Variants in PRELID2 observed in about 807,000 individuals in gnomAD.
PRELID2 encodes PRELI domain-containing protein 2.
PRELID2 carries 25 observed loss-of-function variants against 28.4 expected under a neutral mutation model. The observed-to-expected ratio is 0.88, with a 90% confidence interval of 0.64 to 1.23. PRELID2 has a LOEUF of 1.23. Ranked by LOEUF, PRELID2 falls within the 50% of genes most tolerant of loss-of-function variation. The pLI, the probability that PRELID2 is intolerant of heterozygous loss-of-function variation, is 0.00. For synonymous variants in PRELID2, 76 were observed against 71.6 expected (o/e 1.06, Z -0.31); for missense variants, 201 against 214.4 (o/e 0.94, Z 0.39).
chr5:145,591,812 A>G (rs1238684690), intron 1 of PRELID2, among the ~76,000 whole-genome samples: 1 of 152,222 alleles, frequency 6.6e-6, no homozygotes, highest in Non-Finnish European at 1.5e-5. Flanking sequence ...TGACTTGCAT[A>G]CTTAAAACCT....
intron 1 of PRELID2, among the ~76,000 whole-genome samples, chr5:145,635,969 G>C (rs543797307): frequency 6.6e-6 from 1 of 152,330 alleles, no homozygotes; most frequent in East Asian, 1.9e-4. Context: ...ACTTGTGGCA[G>C]CTGAACCATG....
At chr5:145,336,365 T>C in the PRELID2 span, among the ~76,000 whole-genome samples, 2,708 of 151,512 alleles carry the variant, frequency 0.018, 70 homozygotes, top group African/African-American at 0.062. Flanking sequence ...ATGTCCTGAA[T>C]GGTAATGCCT....
intron 1 of PRELID2, among the ~76,000 whole-genome samples, chr5:145,629,314 C>T (rs1325673286): frequency 6.6e-6 from 1 of 152,190 alleles, no homozygotes; most frequent in Non-Finnish European, 1.5e-5. Flanking sequence ...CTGCATTTGT[C>T]TCCCAGCCCA....
chr5:145,383,965 C>G, the PRELID2 span, among the ~76,000 whole-genome samples: 10 of 151,892 alleles, frequency 6.6e-5, no homozygotes, highest in East Asian at 1.9e-4. Context: ...TACATTTTTA[C>G]AAATCATTAA....
the PRELID2 span, among the ~76,000 whole-genome samples, chr5:145,349,753 G>T: frequency 6.6e-6 from 1 of 152,170 alleles, no homozygotes; most frequent in East Asian, 1.9e-4. Flanking sequence ...TTTATTATAA[G>T]TAAACACACG....
chr5:145,741,784 T>C (rs867565130), intron 1 of PRELID2, among the ~76,000 whole-genome samples: 9 of 113,700 alleles, frequency 7.9e-5, no homozygotes, highest in Admixed American at 6.8e-4. Context: ...AAAATTTATT[T>C]ATAAAGTATT....
the PRELID2 span, among the ~76,000 whole-genome samples, chr5:145,235,101 C>T: frequency 6.6e-6 from 1 of 152,088 alleles, no homozygotes; most frequent in African/African-American, 2.4e-5. Context: ...TTTCAGTGAC[C>T]TTAGCAGACT....
the PRELID2 span, among the ~76,000 whole-genome samples, chr5:145,407,295 A>G: frequency 6.6e-6 from 1 of 152,174 alleles, no homozygotes; most frequent in South Asian, 2.1e-4. Flanking sequence ...GTGAGACTGG[A>G]GACTGGCCTT....
chr5:145,495,511 C>T (rs970318681), intron 1 of PRELID2, among the ~76,000 whole-genome samples: 50 of 152,156 alleles, frequency 3.3e-4, no homozygotes, highest in African/African-American at 1.2e-3. Context: ...TTCTTTTTGG[C>T]TTCCCTCAAG....
At chr5:145,811,479 A>C (rs929362368) in intron 4 of PRELID2, among the ~76,000 whole-genome samples, 2 of 152,104 alleles carry the variant, frequency 1.3e-5, no homozygotes, top group African/African-American at 4.8e-5. Flanking sequence ...GTAGAGACAA[A>C]GTCTTGGTAT....
At chr5:145,321,787 G>T in the PRELID2 span, among the ~76,000 whole-genome samples, 1 of 152,106 alleles carries the variant, frequency 6.6e-6, no homozygotes, top group Non-Finnish European at 1.5e-5. Flanking sequence ...AAGTTCTCTC[G>T]ATGGCATGTG....
chr5:145,270,135 G>T, the PRELID2 span, among the ~76,000 whole-genome samples: 1 of 151,638 alleles, frequency 6.6e-6, no homozygotes, highest in African/African-American at 2.4e-5. Flanking sequence ...ACATTGTTGG[G>T]AGGAACTGGT....
the PRELID2 span, among the ~76,000 whole-genome samples, chr5:145,293,677 A>G: frequency 1.3e-5 from 2 of 152,208 alleles, no homozygotes; most frequent in Admixed American, 6.5e-5. Context: ...TGTTATTAAT[A>G]TGATAAGTAA....
the PRELID2 span, among the ~76,000 whole-genome samples, chr5:145,456,694 T>C: frequency 2.6e-5 from 4 of 152,228 alleles, no homozygotes; most frequent in African/African-American, 9.6e-5. Context: ...ACGCACAGTA[T>C]TTGTTGAATG....
the PRELID2 span, among the ~76,000 whole-genome samples, chr5:145,247,663 C>A: frequency 6.6e-6 from 1 of 151,996 alleles, no homozygotes; most frequent in African/African-American, 2.4e-5. Context: ...CAGAGAAGTC[C>A]CTGGGCAAAG....
chr5:145,744,465 GC>G (rs1756933973), intron 1 of PRELID2, among the ~76,000 whole-genome samples: 1 of 152,166 alleles, frequency 6.6e-6, no homozygotes, highest in Non-Finnish European at 1.5e-5. Context: ...TCAGGTTGGT[GC>G]CCCTTGAGGT....
chr5:145,299,930 C>A, the PRELID2 span, among the ~76,000 whole-genome samples: 1 of 151,944 alleles, frequency 6.6e-6, no homozygotes, highest in Middle Eastern at 3.4e-3. Context: ...TTACCTTTAG[C>A]GGTTTTAAAT....
intron 1 of PRELID2, among the ~76,000 whole-genome samples, chr5:145,591,861 C>T (rs1753233505): frequency 6.6e-6 from 1 of 152,124 alleles, no homozygotes; most frequent in African/African-American, 2.4e-5. Flanking sequence ...AAAAATGAAA[C>T]TTCCTCAGCT....
In PRELID2 at chr5:145,760,062, C is replaced by T. The variant is rs1757396774; in HGVS notation, c.*474G>A. 6.6e-6 allele frequency: 1 copy of T among 152,074 alleles called. No homozygotes were observed. Among genetic ancestry groups the T allele is most frequent in the South Asian group, 2.1e-4 (1 of 4,800 alleles). 9.4% of individuals were successfully genotyped at this position (152,074 alleles called of 1,614,324 possible). On this transcript the variant is annotated 3_prime_UTR_variant, in exon 7 of 7. Coordinates refer to ENST00000683046, the MANE Select transcript of PRELID2 (RefSeq NM_205846.3). ...TACATTCCTGTTTGTTCCAGTCCAC[C>T]CGTGAATCAGGTACCAGTTCAACTC...
Sources: allele counts gnomAD v4.1 joint callset (sites outside exome capture counted in the v4.1 genomes callset), GRCh38; gene constraint gnomAD v4.1.1; transcripts MANE v1.5; gene names NCBI Gene and HGNC (gene_info 2026-07-23, HGNC 2026-07-21).